Variants in SNTG1 observed in about 807,000 individuals in gnomAD.
SNTG1 encodes gamma-1-syntrophin.
A neutral mutation model predicts 74.7 loss-of-function variants in SNTG1; 39 were observed. That is an observed-to-expected ratio of 0.52 (90% CI 0.40 to 0.68). The LOEUF (loss-of-function observed/expected upper bound fraction) is 0.68, where lower values mean the gene tolerates loss of function less well. Ranked by LOEUF, SNTG1 falls within the 30% of genes least tolerant of loss-of-function variation. The pLI is 0.00. For missense variants in SNTG1, 685 were observed against 609.5 expected (o/e 1.12, Z -1.30); for synonymous variants, 254 against 217.1 (o/e 1.17, Z -1.49).
At chr8:50,686,906 C>T (rs896960891) in intron 15 of SNTG1, among the ~76,000 whole-genome samples, 2 of 151,356 alleles carry the variant, frequency 1.3e-5, no homozygotes, top group Non-Finnish European at 2.9e-5. Context: ...GAGGCCGAGG[C>T]GGGTGGATCA....
intron 1 of SNTG1, among the ~76,000 whole-genome samples, chr8:49,935,485 G>GA (rs1233981883): frequency 9.4e-6 from 1 of 106,898 alleles, no homozygotes; most frequent in Non-Finnish European, 1.9e-5. Context: ...TGGGTCACTG[G>GA]AAAAAAAGTG....
At chr8:50,590,435 T>C (rs2094684164) in intron 12 of SNTG1, among the ~76,000 whole-genome samples, 1 of 152,132 alleles carries the variant, frequency 6.6e-6, no homozygotes, top group Non-Finnish European at 1.5e-5. Flanking sequence ...ATCTGGAGTC[T>C]TGACTGAAAA....
At chr8:50,173,793 A>G (rs1318305069) in intron 2 of SNTG1, among the ~76,000 whole-genome samples, 1 of 152,190 alleles carries the variant, frequency 6.6e-6, no homozygotes, top group Non-Finnish European at 1.5e-5. Context: ...TGATCCTTAA[A>G]TTATTCAGGT....
chr8:50,736,750 G>A (rs187371857), intron 17 of SNTG1, among the ~76,000 whole-genome samples: 35 of 152,146 alleles, frequency 2.3e-4, no homozygotes, highest in African/African-American at 6.7e-4. Flanking sequence ...AATCAAATTC[G>A]AACTCAGGAC....
chr8:49,947,137 T>C (rs751721204), intron 1 of SNTG1, among the ~76,000 whole-genome samples: 7 of 151,976 alleles, frequency 4.6e-5, no homozygotes, highest in Non-Finnish European at 8.8e-5. Flanking sequence ...CTGTCTCTAC[T>C]AAAAATACAA....
chr8:50,018,314 A>G (rs752662989), intron 1 of SNTG1, among the ~76,000 whole-genome samples: 1 of 152,048 alleles, frequency 6.6e-6, no homozygotes, highest in Non-Finnish European at 1.5e-5. Context: ...TATGGATAGA[A>G]GTATAGATCA....
chr8:50,461,568 T>C (rs1254919759), intron 8 of SNTG1, among the ~76,000 whole-genome samples: 1 of 152,150 alleles, frequency 6.6e-6, no homozygotes, highest in East Asian at 1.9e-4. Flanking sequence ...GATGCATATA[T>C]ATTTATTTTA....
At chr8:50,297,561 G>A (rs754831327) in intron 2 of SNTG1, among the ~76,000 whole-genome samples, 22 of 152,230 alleles carry the variant, frequency 1.4e-4, no homozygotes, top group African/African-American at 2.6e-4. Context: ...TTGGACACAA[G>A]CAATGTGATA....
chr8:50,680,762 G>A (rs563226609), intron 15 of SNTG1, among the ~76,000 whole-genome samples: 8 of 152,088 alleles, frequency 5.3e-5, no homozygotes, highest in South Asian at 4.1e-4. Context: ...ATTGGGCTGC[G>A]GCCCTGGAAT....
At position 50,652,809 on chromosome 8, in the gene SNTG1, G is replaced by C. The variant is rs530153359; in HGVS notation, c.850-4100G>C. On this transcript the variant is annotated intron_variant, in intron 13 of 18. Coordinates refer to ENST00000642720, the MANE Select transcript of SNTG1 (RefSeq NM_018967.5). ...GTGACTGTCTCAAAAACAATAATAA[G>C]TAAATAAATAAATAAATAATAAATA... Among the ~76,000 whole-genome samples, 27 of 151,326 alleles carry C rather than the reference G, an allele frequency of 1.8e-4. 1 individual carries two copies. In the South Asian group the frequency reaches 5.4e-3, roughly 30 times the overall value.
At chr8:50,167,038 T>A (rs868326094) in intron 1 of SNTG1, among the ~76,000 whole-genome samples, 7 of 137,528 alleles carry the variant, frequency 5.1e-5, no homozygotes, top group Non-Finnish European at 9.1e-5. Flanking sequence ...AACCAAACAC[T>A]GCATATTCTC....
chr8:50,498,114 T>G (rs1165206882), intron 8 of SNTG1, among the ~76,000 whole-genome samples: 1 of 151,936 alleles, frequency 6.6e-6, no homozygotes, highest in Non-Finnish European at 1.5e-5. Context: ...TGATTTCTCT[T>G]GGATAAATTT....
chr8:50,450,635 T>C (rs1344694563), intron 7 of SNTG1, 36 bp downstream of exon 7: 2 of 1,613,316 alleles, frequency 1.2e-6, no homozygotes, highest in South Asian at 2.2e-5. Flanking sequence ...GGTCAAAACA[T>C]TAACTCAATT....
At chr8:49,944,151 A>T (rs916225493) in intron 1 of SNTG1, among the ~76,000 whole-genome samples, 1 of 152,138 alleles carries the variant, frequency 6.6e-6, no homozygotes, top group East Asian at 1.9e-4. Flanking sequence ...GATAGGATCC[A>T]AGTACCAAGT....
chr8:50,187,895 C>A (rs1167853190), intron 2 of SNTG1, among the ~76,000 whole-genome samples: 3 of 152,122 alleles, frequency 2.0e-5, no homozygotes, highest in Non-Finnish European at 2.9e-5. Context: ...GGCTGATCAC[C>A]CAGGAAGTGG....
intron 1 of SNTG1, among the ~76,000 whole-genome samples, chr8:49,941,991 A>G (rs1184269027): frequency 6.6e-6 from 1 of 152,192 alleles, no homozygotes; most frequent in Admixed American, 6.5e-5. Context: ...AAGGTATACA[A>G]TCTAGTGGCA....
intron 2 of SNTG1, among the ~76,000 whole-genome samples, chr8:50,277,321 A>G (rs973961844): frequency 6.6e-6 from 1 of 151,864 alleles, no homozygotes; most frequent in African/African-American, 2.4e-5. Flanking sequence ...AACTGGAAAC[A>G]CATTATAATA....
At chr8:50,403,732 C>T (rs2092834646) in intron 4 of SNTG1, among the ~76,000 whole-genome samples, 1 of 152,032 alleles carries the variant, frequency 6.6e-6, no homozygotes, top group African/African-American at 2.4e-5. Context: ...GCATTTTCAA[C>T]AAATTCAAAA....
intron 15 of SNTG1, among the ~76,000 whole-genome samples, chr8:50,666,823 T>A (rs2095253109): frequency 6.6e-6 from 1 of 152,032 alleles, no homozygotes; most frequent in African/African-American, 2.4e-5. Context: ...AATAACTTTT[T>A]AAAATTAAAA....
Sources: allele counts gnomAD v4.1 joint callset (sites outside exome capture counted in the v4.1 genomes callset), GRCh38; gene constraint gnomAD v4.1.1; transcripts MANE v1.5; gene names NCBI Gene and HGNC (gene_info 2026-07-23, HGNC 2026-07-21).